Variants in VMP1 observed in about 807,000 individuals in gnomAD.
VMP1 encodes the protein ectopic P-granules autophagy protein 3 homolog.
A neutral mutation model predicts 56.0 loss-of-function variants in VMP1; 11 were observed. That is an observed-to-expected ratio of 0.20 (90% confidence interval 0.12 to 0.32). VMP1 has a LOEUF of 0.32. Ranked by LOEUF, VMP1 falls within the 10% of genes least tolerant of loss-of-function variation. VMP1 has a pLI of 1.00. For missense variants in VMP1, 296 were observed against 490.3 expected, an observed-to-expected ratio of 0.60 and a Z score of 3.74; for synonymous variants, 149 against 165.0, an observed-to-expected ratio of 0.90 and a Z score of 0.74.
At chr17:59,707,915 C>G (rs3760330) in intron 1 of VMP1, 167 bp downstream of exon 1, 2 of 152,248 alleles carry the variant, frequency 1.3e-5, no homozygotes, top group African/African-American at 4.8e-5. Context: ...CCCTGGATGT[C>G]TCACGCTGGC....
chr17:59,744,243 C>T (rs1161924372), intron 5 of VMP1, among the ~76,000 whole-genome samples: 1 of 151,270 alleles, frequency 6.6e-6, no homozygotes, highest in African/African-American at 2.4e-5. Flanking sequence ...GGTGGATCAC[C>T]TGAGGTCAGG....
intron 5 of VMP1, among the ~76,000 whole-genome samples, chr17:59,751,744 C>CAAAAAA (rs932086949): frequency 4.7e-5 from 2 of 42,586 alleles, no homozygotes; most frequent in Non-Finnish European, 9.1e-5. Flanking sequence ...AACTCCGTCT[C>CAAAAAA]AAAAAAAAAA....
intron 7 of VMP1, among the ~76,000 whole-genome samples, chr17:59,785,916 T>C (rs1431715373): frequency 2.6e-5 from 4 of 152,104 alleles, no homozygotes; most frequent in Non-Finnish European, 5.9e-5. Context: ...TAATCAATAA[T>C]TGCTACCTAC....
intron 7 of VMP1, among the ~76,000 whole-genome samples, chr17:59,807,257 G>T (rs1309404211): frequency 1.3e-5 from 2 of 150,584 alleles, no homozygotes; most frequent in Admixed American, 1.3e-4. Context: ...GAGTGCAGTG[G>T]TGCGATTTCA....
At chr17:59,739,958 T>C (rs1011953105) in intron 5 of VMP1, among the ~76,000 whole-genome samples, 1 of 150,574 alleles carries the variant, frequency 6.6e-6, no homozygotes, top group Non-Finnish European at 1.5e-5. Context: ...GCGCCTGTAG[T>C]CCCAGCTACT....
intron 7 of VMP1, among the ~76,000 whole-genome samples, chr17:59,806,728 A>AT (rs1193056403): frequency 6.6e-6 from 1 of 151,796 alleles, no homozygotes. Context: ...AAAAAAAAAA[A>AT]AAAATTAAAT....
chr17:59,744,462 C>CAAG (rs2035347053), intron 5 of VMP1, among the ~76,000 whole-genome samples: 1 of 53,870 alleles, frequency 1.9e-5, no homozygotes, highest in Non-Finnish European at 3.9e-5. Flanking sequence ...AATTCCATCT[C>CAAG]AAAAAAAAAA....
At chr17:59,798,183 A>G (rs1447893541) in intron 7 of VMP1, among the ~76,000 whole-genome samples, 8 of 152,214 alleles carry the variant, frequency 5.3e-5, no homozygotes, top group Non-Finnish European at 7.3e-5. Flanking sequence ...GCCCATGTAA[A>G]TTTGGTAACG....
At chr17:59,737,641 C>A (rs1323748618) in intron 4 of VMP1, 98 bp downstream of exon 4, 1 of 1,009,098 alleles carries the variant, frequency 9.9e-7, no homozygotes, top group Non-Finnish European at 1.4e-6. Flanking sequence ...AGAATTTCTA[C>A]CCTCAACATT....
chr17:59,839,636 G>C (rs2039095009), intron 11 of VMP1, 132 bp from the exon 12 acceptor site: 1 of 1,105,922 alleles, frequency 9.0e-7, no homozygotes, highest in Non-Finnish European at 1.3e-6. Flanking sequence ...GAGTAGTTGG[G>C]GTTGCTTACT....
chr17:59,755,356 C>T (rs1397823605), intron 5 of VMP1, among the ~76,000 whole-genome samples: 1 of 151,910 alleles, frequency 6.6e-6, no homozygotes, highest in East Asian at 1.9e-4. Flanking sequence ...GTGATCTGCC[C>T]GCCTCAGCCT....
At chr17:59,822,945 G>C (rs1170954790) in intron 10 of VMP1, among the ~76,000 whole-genome samples, 1 of 152,040 alleles carries the variant, frequency 6.6e-6, no homozygotes, top group Non-Finnish European at 1.5e-5. Flanking sequence ...AATTAGTTGG[G>C]CATGGTGGTA....
intron 6 of VMP1, 56 bp downstream of exon 6, chr17:59,765,194 G>A: frequency 1.3e-6 from 2 of 1,541,344 alleles, no homozygotes; most frequent in Non-Finnish European, 1.8e-6. Flanking sequence ...TTGATAGTGT[G>A]TGTACCTTAT....
chr17:59,714,633 T>A (rs2034078059), intron 1 of VMP1, among the ~76,000 whole-genome samples: 1 of 151,996 alleles, frequency 6.6e-6, no homozygotes, highest in Non-Finnish European at 1.5e-5. Context: ...GTTCTTGCGT[T>A]TTTGTTTTTG....
intron 4 of VMP1, among the ~76,000 whole-genome samples, chr17:59,738,430 A>C (rs2035094671): frequency 6.6e-6 from 1 of 152,218 alleles, no homozygotes; most frequent in Admixed American, 6.5e-5. Context: ...ACTGCCAATC[A>C]CTGAAATGAC....
Position 59,715,013 on chromosome 17 carries a change from CTTCTAACTATCCT to C in VMP1, c.-27+7268_-27+7280del, listed in dbSNP as rs1283095129. On this transcript the variant is annotated intron_variant, in intron 1 of 11. Coordinates refer to ENST00000262291, the MANE Select transcript of VMP1 (RefSeq NM_030938.5). ...TGTATTCTCTATTCTTTTCCATTGG[CTTCTAACTATCCT>C]TTTACCAATATCACACTGTCATGAT... is the stretch of plus-strand genomic sequence containing the variant. Among the ~76,000 whole-genome samples the C allele has an allele frequency of 1.3e-4, 20 of 152,268 alleles. No individual in the cohort carries two copies. The Middle Eastern group carries it at 0.01, about 78-fold the overall frequency.
intron 9 of VMP1, among the ~76,000 whole-genome samples, chr17:59,812,449 A>G (rs1396791832): frequency 6.6e-6 from 1 of 152,214 alleles, no homozygotes; most frequent in Non-Finnish European, 1.5e-5. Flanking sequence ...GTGTGCACAC[A>G]TATATGAATA....
At chr17:59,835,120 T>C (rs1277771837) in intron 10 of VMP1, among the ~76,000 whole-genome samples, 3 of 151,898 alleles carry the variant, frequency 2.0e-5, no homozygotes, top group Admixed American at 6.6e-5. Context: ...GTTTTGTTTT[T>C]TTGCTTTTTT....
chr17:59,823,000 T>A (rs775618554), intron 10 of VMP1, among the ~76,000 whole-genome samples: 10 of 151,994 alleles, frequency 6.6e-5, no homozygotes, highest in Non-Finnish European at 1.3e-4. Flanking sequence ...ATGGAAAAAT[T>A]GTTTGAGGCA....
Sources: allele counts gnomAD v4.1 joint callset (sites outside exome capture counted in the v4.1 genomes callset), GRCh38; gene constraint gnomAD v4.1.1; transcripts MANE v1.5; gene names NCBI Gene and HGNC (gene_info 2026-07-23, HGNC 2026-07-21).